Variants in ARFIP1 observed in about 807,000 individuals in gnomAD.
ARFIP1 encodes arfaptin-1.
Under a neutral mutation model 42.5 loss-of-function variants are expected in ARFIP1, and 24 were observed. The observed-to-expected ratio is 0.57, with a 90% CI of 0.41 to 0.80. The LOEUF (loss-of-function observed/expected upper bound fraction) is 0.80, where lower values mean the gene tolerates loss of function less well. Among genes scored for constraint, ARFIP1 ranks in the 30% least tolerant of loss-of-function variants. ARFIP1 has a pLI of 0.00. For synonymous variants in ARFIP1, 141 were observed against 153.7 expected (o/e 0.92, Z 0.61); for missense variants, 354 against 434.0 (o/e 0.82, Z 1.64).
At chr4:152,876,506 G>A (rs1399372701) in intron 5 of ARFIP1, among the ~76,000 whole-genome samples, 1 of 152,186 alleles carries the variant, frequency 6.6e-6, no homozygotes, top group African/African-American at 2.4e-5. Flanking sequence ...ACTGTTAAAG[G>A]CATTCAGTTT....
intron 2 of ARFIP1, among the ~76,000 whole-genome samples, 174 bp from the exon 3 acceptor site, chr4:152,863,432 T>C (rs546825939): frequency 1.2e-4 from 18 of 152,376 alleles, no homozygotes; most frequent in Non-Finnish European, 2.5e-4. Flanking sequence ...CAAATCTTGC[T>C]GTATTTGCTG....
intron 7 of ARFIP1, among the ~76,000 whole-genome samples, chr4:152,887,867 T>G (rs1352248172): frequency 6.6e-6 from 1 of 152,048 alleles, no homozygotes; most frequent in Admixed American, 6.6e-5. Flanking sequence ...TTTTAACTGG[T>G]TTTTAGATTT....
intron 8 of ARFIP1, among the ~76,000 whole-genome samples, chr4:152,892,329 G>C (rs995754468): frequency 6.6e-6 from 1 of 152,086 alleles, no homozygotes; most frequent in Non-Finnish European, 1.5e-5. Flanking sequence ...CTCTCTCTCT[G>C]TCTCTCTTTT....
Position 152,897,921 on chromosome 4 carries a change from G to A in ARFIP1, c.966+9614G>A, listed in dbSNP as rs888473254. ...TGCTTAAAAGTAAAACCTTTAATTA[G>A]CATTTCTGAGTAAAGTCTCAGAAGA... On this transcript the variant is annotated intron_variant, in intron 8 of 8. Coordinates refer to ENST00000353617, the MANE Select transcript of ARFIP1 (RefSeq NM_001025595.3). Among the ~76,000 whole-genome samples, 11 of 151,032 alleles carry A rather than the reference G, an allele frequency of 7.3e-5. No individual in the cohort carries two copies. The East Asian group carries it at 1.2e-3, about 16-fold the overall frequency.
At chr4:152,832,546 T>C (rs1318659187) in intron 2 of ARFIP1, among the ~76,000 whole-genome samples, 3 of 152,246 alleles carry the variant, frequency 2.0e-5, no homozygotes, top group African/African-American at 4.8e-5. Flanking sequence ...TTGTACTCTA[T>C]TAATGGCATC....
At chr4:152,810,764 C>A (rs573574374) in intron 1 of ARFIP1, among the ~76,000 whole-genome samples, 1 of 152,242 alleles carries the variant, frequency 6.6e-6, no homozygotes, top group Admixed American at 6.5e-5. Flanking sequence ...TGCAGTGAGC[C>A]AACATCACGC....
At chr4:152,781,287 G>C (rs1473002728) in intron 1 of ARFIP1, among the ~76,000 whole-genome samples, 4 of 142,640 alleles carry the variant, frequency 2.8e-5, no homozygotes, top group African/African-American at 1.0e-4. Context: ...CCAGGCTGGA[G>C]TGCATTGGCA....
intron 2 of ARFIP1, among the ~76,000 whole-genome samples, chr4:152,855,422 G>A (rs2149870306): frequency 6.6e-6 from 1 of 152,320 alleles, no homozygotes; most frequent in Middle Eastern, 3.4e-3. Context: ...CACTTCCACT[G>A]GAGAGGGTGG....
chr4:152,791,163 G>A (rs575138391), intron 1 of ARFIP1, among the ~76,000 whole-genome samples: 1 of 152,232 alleles, frequency 6.6e-6, no homozygotes, highest in African/African-American at 2.4e-5. Flanking sequence ...GAAGAATAAT[G>A]TAAGTTATTC....
Position 152,910,247 on chromosome 4 carries a change from C to G in ARFIP1, c.*28C>G, listed in dbSNP as rs1738738576. ...TCACAGCGGAAAATAAAAAGAAAGT[C>G]GCGTTGTTATATTTCTAAACCAACC... On this transcript the variant is annotated 3_prime_UTR_variant, in exon 9 of 9. Coordinates refer to ENST00000353617, the MANE Select transcript of ARFIP1 (RefSeq NM_001025595.3). 6.2e-7 allele frequency: 1 copy of G among 1,603,242 alleles called. No homozygotes were observed. The highest frequency in any genetic ancestry group is 8.5e-7 in the Non-Finnish European group (1 of 1,175,300).
At chr4:152,831,370 A>C (rs911788291) in intron 2 of ARFIP1, among the ~76,000 whole-genome samples, 2 of 152,224 alleles carry the variant, frequency 1.3e-5, no homozygotes, top group East Asian at 1.9e-4. Context: ...ACCTTTATCC[A>C]AGAGTAATGC....
At position 152,892,473 on chromosome 4, in the gene ARFIP1, G is replaced by A. The variant is rs1736941906; in HGVS notation, c.966+4166G>A. On this transcript the variant is annotated intron_variant, in intron 8 of 8. Coordinates refer to ENST00000353617, the MANE Select transcript of ARFIP1 (RefSeq NM_001025595.3). ...AAAAGCAAGTAGTCCTTGAGTATGGGACTAAAAGCCAGCCGTGTGACTATA... is the reference window on the plus strand; with the variant it reads ...AAAAGCAAGTAGTCCTTGAGTATGGAACTAAAAGCCAGCCGTGTGACTATA... Among the ~76,000 whole-genome samples the A allele has an allele frequency of 1.3e-5, 2 of 152,156 alleles. 1 individual carries two copies. The highest frequency in any genetic ancestry group is 4.1e-4 in the South Asian group (2 of 4,830).
chr4:152,876,036 G>A (rs1471434869), intron 5 of ARFIP1, among the ~76,000 whole-genome samples: 2 of 152,128 alleles, frequency 1.3e-5, no homozygotes, highest in African/African-American at 4.8e-5. Context: ...ATGTGGAACT[G>A]TAAGTCCAGT....
At chr4:152,902,033 A>G (rs1194262713) in intron 8 of ARFIP1, among the ~76,000 whole-genome samples, 1 of 152,160 alleles carries the variant, frequency 6.6e-6, no homozygotes, top group Non-Finnish European at 1.5e-5. Flanking sequence ...TAAAATGTCT[A>G]TTGCCCATGA....
chr4:152,842,010 G>A (rs1732126966), intron 2 of ARFIP1, among the ~76,000 whole-genome samples: 1 of 152,192 alleles, frequency 6.6e-6, no homozygotes, highest in Admixed American at 6.5e-5. Context: ...CGGGGACTGA[G>A]AGACAGGACT....
At chr4:152,780,921 A>C (rs1225245432) in intron 1 of ARFIP1, among the ~76,000 whole-genome samples, 1 of 152,026 alleles carries the variant, frequency 6.6e-6, no homozygotes, top group African/African-American at 2.4e-5. Context: ...CTTCCTCTTG[A>C]GCCCTTTGAT....
At chr4:152,782,963 T>A (rs1156377262) in intron 1 of ARFIP1, among the ~76,000 whole-genome samples, 1 of 152,128 alleles carries the variant, frequency 6.6e-6, no homozygotes, top group Non-Finnish European at 1.5e-5. Flanking sequence ...CAGAATAAGT[T>A]TTCCTCTGTC....
chr4:152,863,774 TGCTACCTTTATTAATAA>T, intron 3 of ARFIP1, 60 bp downstream of exon 3: 1 of 1,067,196 alleles, frequency 9.4e-7, no homozygotes, highest in South Asian at 1.4e-5. Context: ...GTTCACCAAA[TGCTACCTTTATTAATAA>T]AGCACAAGAA....
At position 152,905,888 on chromosome 4, in the gene ARFIP1, G is replaced by A. The variant is rs538764248; in HGVS notation, c.967-4176G>A. Among the ~76,000 whole-genome samples, 22 of 152,054 alleles carry A rather than the reference G, an allele frequency of 1.4e-4. No homozygotes were observed. In the East Asian group the frequency reaches 4.3e-3, roughly 29 times the overall value. On this transcript the variant is annotated intron_variant, in intron 8 of 8. Coordinates refer to ENST00000353617, the MANE Select transcript of ARFIP1 (RefSeq NM_001025595.3). ...TATGTATTCTAGAATCAAGTTCTTT[G>A]ATACCTGTTTTGCAAGTATTTTTTC...
Sources: gnomAD v4.1 joint callset for allele counts (sites outside exome capture counted in the v4.1 genomes callset) on GRCh38, gnomAD v4.1.1 for gene constraint, MANE v1.5 for transcripts, NCBI Gene and HGNC (gene_info 2026-07-23, HGNC 2026-07-21) for gene names.